The following CDC42BPA variants were observed in gnomAD, a reference collection of about 807,000 sequenced individuals.
CDC42BPA encodes the protein serine/threonine-protein kinase MRCK alpha.
CDC42BPA carries 80 observed loss-of-function variants against 223.5 expected under a neutral mutation model. The observed-to-expected ratio is 0.36, with a 90% CI of 0.30 to 0.43. The LOEUF (loss-of-function observed/expected upper bound fraction) is 0.43. Among genes scored for constraint, CDC42BPA ranks in the 20% least tolerant of loss-of-function variants. The probability of loss-of-function intolerance (pLI) is 1.00; values close to 1 mark genes in which losing one functional copy is unlikely to be tolerated. For missense variants in CDC42BPA, 1,743 were observed against 2,099.9 expected (o/e 0.83, Z 3.32); for synonymous variants, 694 against 718.6 (o/e 0.97, Z 0.55).
chr1:227,031,657 A>C, intron 27 of CDC42BPA, 143 bp from the exon 28 acceptor site: 1 of 655,276 alleles, frequency 1.5e-6, no homozygotes, highest in Admixed American at 2.9e-5. Context: ...AGCTATTCCT[A>C]ATCAGAATAA....
intron 2 of CDC42BPA, among the ~76,000 whole-genome samples, chr1:227,226,592 T>C (rs1360091589): frequency 6.6e-6 from 1 of 152,156 alleles, no homozygotes; most frequent in African/African-American, 2.4e-5. Flanking sequence ...ACTGAAGCAG[T>C]ATAAAGAACC....
chr1:227,217,084 C>A (rs1674987828), intron 2 of CDC42BPA, among the ~76,000 whole-genome samples: 1 of 152,056 alleles, frequency 6.6e-6, no homozygotes, highest in South Asian at 2.1e-4. Flanking sequence ...GAAACAGTTG[C>A]CACGGAGTTC....
chr1:227,144,969 T>C (rs569615708), intron 8 of CDC42BPA, among the ~76,000 whole-genome samples: 43 of 152,342 alleles, frequency 2.8e-4, no homozygotes, highest in African/African-American at 1.0e-3. Flanking sequence ...TCCAGTTCCA[T>C]GCTACTAGTA....
chr1:227,068,604 A>T, intron 21 of CDC42BPA: 1 of 895,050 alleles, frequency 1.1e-6, no homozygotes, highest in Non-Finnish European at 1.5e-6. Context: ...AAATCAATTC[A>T]CTGATCTTTT....
chr1:227,309,686 A>C (rs1327284273), intron 1 of CDC42BPA, among the ~76,000 whole-genome samples: 1 of 152,238 alleles, frequency 6.6e-6, no homozygotes, highest in Non-Finnish European at 1.5e-5. Context: ...ACAGTAATGA[A>C]AGCTGTAAAA....
At position 227,150,238 on chromosome 1, in the gene CDC42BPA, C is replaced by A. The variant is rs868041752; in HGVS notation, c.694-2679G>T. On this transcript the variant is annotated intron_variant, in intron 6 of 36. Transcript: ENST00000366766. ...AAACCCTGTCTCAAAAAAAAAAAAA[C>A]AAAAAAAACAAAAAGTACTCAGAAG... Among the ~76,000 whole-genome samples the A allele has an allele frequency of 1.5e-3, 189 of 126,098 alleles. No individual in the cohort carries two copies. The East Asian group carries it at 0.018, about 12-fold the overall frequency. 82.7% of individuals were successfully genotyped at this position (126,098 alleles called of 152,430 possible).
chr1:227,117,652 A>G (rs1307118459), intron 12 of CDC42BPA, among the ~76,000 whole-genome samples: 1 of 152,178 alleles, frequency 6.6e-6, no homozygotes, highest in Non-Finnish European at 1.5e-5. Flanking sequence ...CCATCTTCAC[A>G]GTTTTCAAAA....
chr1:227,205,962 C>T (rs1387296872), intron 3 of CDC42BPA, among the ~76,000 whole-genome samples: 1 of 152,106 alleles, frequency 6.6e-6, no homozygotes, highest in East Asian at 1.9e-4. Context: ...GTGGGAGGAT[C>T]CCTTGAGCCC....
chr1:227,051,845 G>A, intron 22 of CDC42BPA, 36 bp downstream of exon 22: 2 of 1,209,448 alleles, frequency 1.7e-6, no homozygotes, highest in African/African-American at 1.5e-5. Flanking sequence ...TGACACAAGT[G>A]AAAAGTTGGG....
At position 227,112,697 on chromosome 1, in the gene CDC42BPA, G is replaced by T; in HGVS notation, c.1864C>A (p.Arg622Ser). 1 of 1,613,912 alleles carries T rather than the reference G, an allele frequency of 6.2e-7. No individual in the cohort carries two copies. Among genetic ancestry groups the T allele is most frequent in the Non-Finnish European group, 8.5e-7 (1 of 1,179,956 alleles). Residue 622 changes from arginine (R) to serine (S), a missense_variant, in exon 13 of 37, where the codon CGC becomes AGC. By Grantham distance (110) the Arg-to-Ser change is moderately radical. Transcript: ENST00000366766. ...QKVESLRQEL[R>S]RTERAKKELE... ...TCTTTTTTGGCTCTTTCTGTTCTGC[G>T]CAGTTCTTGCCTTAAGCTTTCAACT...
At chr1:227,148,014 C>T (rs1660998888) in intron 6 of CDC42BPA, among the ~76,000 whole-genome samples, 1 of 151,926 alleles carries the variant, frequency 6.6e-6, no homozygotes, top group African/African-American at 2.4e-5. Flanking sequence ...TTAATAGAAA[C>T]CTAAGAAAAT....
intron 7 of CDC42BPA, among the ~76,000 whole-genome samples, 157 bp from the exon 8 acceptor site, chr1:227,145,894 A>C (rs1660617936): frequency 1.3e-5 from 2 of 152,322 alleles, no homozygotes; most frequent in South Asian, 4.1e-4. Flanking sequence ...TACAGGGATG[A>C]ATGACAGAAG....
chr1:227,184,269 C>A lies in CDC42BPA; in HGVS notation c.599+9517G>T, dbSNP rs577758864. ...AAAAACTCCTTACCAAGCCCTAGATCCAGAAAATGTTCTCCAATATTTTCT... is the reference window on the plus strand; with the variant it reads ...AAAAACTCCTTACCAAGCCCTAGATACAGAAAATGTTCTCCAATATTTTCT... On this transcript the variant is annotated intron_variant, in intron 5 of 36. Coordinates refer to ENST00000366766, the MANE Select transcript of CDC42BPA (RefSeq NM_001394014.1). Among the ~76,000 whole-genome samples the A allele has an allele frequency of 5.9e-5, 9 of 152,126 alleles. No homozygotes were observed. In the South Asian group the frequency reaches 1.9e-3, roughly 32 times the overall value.
intron 1 of CDC42BPA, among the ~76,000 whole-genome samples, chr1:227,313,227 G>A (rs1194984767): frequency 1.3e-5 from 2 of 151,906 alleles, no homozygotes; most frequent in East Asian, 1.9e-4. Context: ...AAGACTTTAG[G>A]GGTTAACAGC....
intron 3 of CDC42BPA, among the ~76,000 whole-genome samples, chr1:227,202,503 GTTAT>G (rs1291250180): frequency 6.6e-6 from 1 of 151,878 alleles, no homozygotes; most frequent in Non-Finnish European, 1.5e-5. Flanking sequence ...ATAAACATTC[GTTAT>G]TTAATTTGAC....
Position 227,317,297 on chromosome 1 carries a change from A to T in CDC42BPA, c.-115T>A. ...AAAATAAACCACTTGTTATTCAAAC[A>T]ACTGTCATGCAATGCTGGTGCTGAA... is the stretch of plus-strand genomic sequence containing the variant. On this transcript the variant is annotated 5_prime_UTR_variant, in exon 1 of 37. Coordinates refer to ENST00000366766, the MANE Select transcript of CDC42BPA (RefSeq NM_001394014.1). The T allele has an allele frequency of 9.0e-7, 1 of 1,112,470 alleles. No homozygotes were observed. The highest frequency in any genetic ancestry group is 1.3e-6 in the Non-Finnish European group (1 of 785,900). 68.9% of individuals were successfully genotyped at this position (1,112,470 alleles called of 1,614,324 possible). A position where few individuals can be genotyped will look rare whatever the true frequency, so the allele number is the denominator to read the frequency against.
At chr1:227,026,182 G>C in intron 30 of CDC42BPA, 30 bp from the exon 31 acceptor site, 2 of 1,263,066 alleles carry the variant, frequency 1.6e-6, no homozygotes, top group Admixed American at 3.9e-5. Flanking sequence ...GGCAGCTTGC[G>C]GATTACTTTT....
intron 3 of CDC42BPA, among the ~76,000 whole-genome samples, chr1:227,207,240 T>C (rs1672916243): frequency 1.3e-5 from 2 of 151,390 alleles, no homozygotes; most frequent in Non-Finnish European, 2.9e-5. Flanking sequence ...GTTTCATCCA[T>C]GTCCCTACAA....
intron 19 of CDC42BPA, among the ~76,000 whole-genome samples, chr1:227,072,746 T>C (rs1447182714): frequency 6.6e-6 from 1 of 151,934 alleles, no homozygotes; most frequent in Non-Finnish European, 1.5e-5. Flanking sequence ...CATACAGGAG[T>C]AAGTTTATAA....
Sources: allele counts gnomAD v4.1 joint callset (sites outside exome capture counted in the v4.1 genomes callset), GRCh38; gene constraint gnomAD v4.1.1; transcripts MANE v1.5; gene names NCBI Gene and HGNC (gene_info 2026-07-23, HGNC 2026-07-21).